The following ATRX variants were observed in gnomAD, a reference collection of about 807,000 sequenced individuals.
ATRX encodes chromatin remodeler ATRX.
Under a neutral mutation model 172.6 loss-of-function variants are expected in ATRX, and 12 were observed. The observed-to-expected ratio is 0.07, with a 90% confidence interval of 0.04 to 0.11. ATRX has a LOEUF of 0.11. Ranked by LOEUF, ATRX falls within the 10% of genes least tolerant of loss-of-function variation. The pLI is 1.00. For synonymous variants in ATRX, 674 were observed against 594.7 expected, an observed-to-expected ratio of 1.13 and a Z score of -1.94; for missense variants, 1,368 against 1,767.4, an observed-to-expected ratio of 0.77 and a Z score of 4.05.
chrX:77,635,386 A>G (rs1268495344), intron 16 of ATRX, among the ~76,000 whole-genome samples: 5 of 110,805 alleles, frequency 4.5e-5, no homozygotes, highest in Non-Finnish European at 9.5e-5. Flanking sequence ...GTCAATCAGG[A>G]AAAAAAAACC....
chrX:77,719,263 A>T (rs2148761310), intron 1 of ATRX, among the ~76,000 whole-genome samples: 1 of 111,451 alleles, frequency 9.0e-6, no homozygotes, highest in East Asian at 2.8e-4. Flanking sequence ...ACAAAAAGAC[A>T]ACCCTATTTT....
chrX:77,542,963 G>T (rs1226384828), intron 30 of ATRX, among the ~76,000 whole-genome samples: 1 of 111,656 alleles, frequency 9.0e-6, no homozygotes, highest in Non-Finnish European at 1.9e-5. Flanking sequence ...TTGATAAATG[G>T]GATGTAATTA....
chrX:77,721,779 T>C (rs1385548454), intron 1 of ATRX, among the ~76,000 whole-genome samples: 3 of 111,459 alleles, frequency 2.7e-5, no homozygotes, highest in African/African-American at 9.8e-5. Context: ...GCTATCCCCA[T>C]CAAGCTACCA....
In ATRX at chrX:77,596,302, A is replaced by T. The variant is rs183450972; in HGVS notation, c.5957-2453T>A. The T allele has an allele frequency of 3.6e-5, 4 of 111,350 alleles. No individual in the cohort carries two copies. In the Admixed American group the frequency reaches 3.8e-4, roughly 11 times the overall value. 9.2% of individuals were successfully genotyped at this position (111,350 alleles called of 1,213,427 possible). ...CGCTAAGGAGGCAGACTAGCCCCTT[A>T]ATACTTCCTATTCAGATTTTCTTAT... On this transcript the variant is annotated intron_variant, in intron 25 of 34. Transcript: ENST00000373344.
At chrX:77,569,127 AC>A (rs2065312467) in intron 28 of ATRX, among the ~76,000 whole-genome samples, 1 of 110,545 alleles carries the variant, frequency 9.0e-6, no homozygotes, top group Non-Finnish European at 1.9e-5. Flanking sequence ...ACAAAAACAA[AC>A]AAAAACAACC....
chrX:77,528,636 C>T (rs1247291779), intron 30 of ATRX, among the ~76,000 whole-genome samples: 4 of 109,899 alleles, frequency 3.6e-5, no homozygotes, highest in African/African-American at 6.6e-5. Context: ...AAAAAGGCCC[C>T]GAAAAAAAAC....
At chrX:77,681,429 T>C in intron 9 of ATRX, 91 bp downstream of exon 9, 1 of 945,291 alleles carries the variant, frequency 1.1e-6, no homozygotes, top group Non-Finnish European at 1.5e-6. Context: ...GTAGTAACCC[T>C]AAATTTGATT....
chrX:77,506,728 C>A lies in ATRX; in HGVS notation c.*1623G>T, dbSNP rs2062714618. ...GGGAGAGGGGCGTGGATCCACCAAA[C>A]CTCACAAATTCTGTATCACAATCCT... On this transcript the variant is annotated 3_prime_UTR_variant, in exon 35 of 35. Coordinates refer to ENST00000373344, the MANE Select transcript of ATRX (RefSeq NM_000489.6). The A allele has an allele frequency of 5.8e-6, 1 of 172,404 alleles. No homozygotes were observed. Among genetic ancestry groups the A allele is most frequent in the Non-Finnish European group, 1.1e-5 (1 of 90,965 alleles). 14.2% of individuals were successfully genotyped at this position (172,404 alleles called of 1,213,427 possible). A position where few individuals can be genotyped will look rare whatever the true frequency, so the allele number is the denominator to read the frequency against.
At chrX:77,550,649 T>C in intron 30 of ATRX, among the ~76,000 whole-genome samples, 1 of 111,236 alleles carries the variant, frequency 9.0e-6, no homozygotes, top group South Asian at 3.8e-4. Flanking sequence ...TAAAGGGTAT[T>C]CAATTAGGAA....
chrX:77,652,953 A>T (rs543424019), intron 14 of ATRX, among the ~76,000 whole-genome samples: 3 of 109,516 alleles, frequency 2.7e-5, no homozygotes, highest in African/African-American at 6.6e-5. Flanking sequence ...GGAAAATACA[A>T]AACAAAACCA....
At chrX:77,738,984 T>G (rs942856966) in intron 1 of ATRX, among the ~76,000 whole-genome samples, 3 of 111,900 alleles carry the variant, frequency 2.7e-5, no homozygotes, top group Non-Finnish European at 5.6e-5. Context: ...CATTTGCAAT[T>G]TTTTTAATTT....
At position 77,730,650 on chromosome X, in the gene ATRX, C is replaced by T. The variant is rs560561334; in HGVS notation, c.21-13407G>A. Among the ~76,000 whole-genome samples the T allele has an allele frequency of 8.9e-4, 99 of 111,539 alleles. 1 individual carries two copies. In the South Asian group the frequency reaches 0.032, roughly 36 times the overall value. On this transcript the variant is annotated intron_variant, in intron 1 of 34. Coordinates refer to ENST00000373344, the MANE Select transcript of ATRX (RefSeq NM_000489.6). Reference sequence around the variant, plus strand: ...TAATATCAAGCATCTCCTCTGATAACGGAATAAAACTAGAAATCAATAATG... The same window carrying T: ...TAATATCAAGCATCTCCTCTGATAATGGAATAAAACTAGAAATCAATAATG...
At chrX:77,673,032 T>C (rs2070703740) in intron 10 of ATRX, among the ~76,000 whole-genome samples, 2 of 111,641 alleles carry the variant, frequency 1.8e-5, no homozygotes, top group South Asian at 7.4e-4. Flanking sequence ...CAAGCCTAGT[T>C]TAATGATCCT....
At chrX:77,622,875 A>G (rs2067656748) in intron 19 of ATRX, among the ~76,000 whole-genome samples, 1 of 110,404 alleles carries the variant, frequency 9.1e-6, no homozygotes, top group African/African-American at 3.3e-5. Flanking sequence ...ATAATGACAC[A>G]GCCTATCAAA....
intron 2 of ATRX, among the ~76,000 whole-genome samples, chrX:77,714,863 A>T (rs45552532): frequency 8.9e-6 from 1 of 112,096 alleles, no homozygotes; most frequent in African/African-American, 3.2e-5. Flanking sequence ...ATCTGTGAAC[A>T]CTACTGGGGT....
At chrX:77,668,999 T>C (rs1213675860) in intron 10 of ATRX, among the ~76,000 whole-genome samples, 4 of 111,582 alleles carry the variant, frequency 3.6e-5, no homozygotes, top group Non-Finnish European at 7.5e-5. Context: ...AATGTTGAGT[T>C]TCTTAAAATG....
At chrX:77,657,222 A>T (rs2069601682) in intron 12 of ATRX, among the ~76,000 whole-genome samples, 1 of 111,696 alleles carries the variant, frequency 9.0e-6, no homozygotes, top group Non-Finnish European at 1.9e-5. Flanking sequence ...GCTAAATTCC[A>T]AAGGTATGCA....
chrX:77,767,232 G>A (rs782775972), intron 1 of ATRX, among the ~76,000 whole-genome samples: 2 of 102,755 alleles, frequency 1.9e-5, no homozygotes, highest in Admixed American at 2.1e-4. Flanking sequence ...GAGGGAGACC[G>A]TGGGGAGAGG....
intron 15 of ATRX, among the ~76,000 whole-genome samples, chrX:77,637,728 G>T (rs2068452006): frequency 9.1e-6 from 1 of 109,547 alleles, no homozygotes; most frequent in South Asian, 4.0e-4. Context: ...GATCGCCTGA[G>T]GTCAAGAGTT....
Sources: gnomAD v4.1 joint callset for allele counts (sites outside exome capture counted in the v4.1 genomes callset) on GRCh38, gnomAD v4.1.1 for gene constraint, MANE v1.5 for transcripts, NCBI Gene and HGNC (gene_info 2026-07-23, HGNC 2026-07-21) for gene names.